Variants in PPP1R12A observed in about 807,000 individuals in gnomAD.
The protein encoded by PPP1R12A is myosin binding subunit.
In PPP1R12A, 19 loss-of-function variants were observed where a neutral mutation model predicts 139.6. The ratio of observed to expected loss-of-function variants is 0.14; its 90% confidence interval spans 0.09 to 0.20. PPP1R12A has a LOEUF of 0.20. Among genes scored for constraint, PPP1R12A ranks in the 10% least tolerant of loss-of-function variants. The pLI is 1.00. For missense variants in PPP1R12A, 925 were observed against 1,211.5 expected (o/e 0.76, Z 3.51); for synonymous variants, 427 against 420.6 (o/e 1.02, Z -0.19).
rs2656031 is a variant in PPP1R12A, at chr12:79,852,422, C to T, written c.369-7002G>A. On this transcript the variant is annotated intron_variant, in intron 2 of 24. Coordinates refer to ENST00000450142, the MANE Select transcript of PPP1R12A (RefSeq NM_002480.3). ...TGTTGCGCAGGCTGGTCTCAAACTCCTAGACTCAGGTGATCCACCCACCTT... is the reference window on the plus strand; with the variant it reads ...TGTTGCGCAGGCTGGTCTCAAACTCTTAGACTCAGGTGATCCACCCACCTT... Among the ~76,000 whole-genome samples, 1,176 of 152,130 alleles carry T rather than the reference C, an allele frequency of 7.7e-3. 16 individuals are homozygous for T. Among genetic ancestry groups the T allele is most frequent in the African/African-American group, 0.027 (1,117 of 41,500 alleles).
intron 2 of PPP1R12A, among the ~76,000 whole-genome samples, chr12:79,856,326 C>T (rs184732661): frequency 7.2e-5 from 11 of 152,318 alleles, no homozygotes; most frequent in Admixed American, 7.2e-4. Context: ...TAAGGCCCTT[C>T]TGTTTAATGC....
At position 79,901,693 on chromosome 12, in the gene PPP1R12A, T is replaced by G. The variant is rs145873670; in HGVS notation, c.238-28755A>C. Among the ~76,000 whole-genome samples the G allele has an allele frequency of 2.7e-3, 411 of 152,242 alleles. 2 individuals carry two copies. Among genetic ancestry groups the G allele is most frequent in the African/African-American group, 9.6e-3 (397 of 41,552 alleles). ...TTACTCAATATTTTAACTTAATTGC[T>G]CAACAATTATTTACTGAGAACTCAC... On this transcript the variant is annotated intron_variant, in intron 1 of 24. Coordinates refer to ENST00000450142, the MANE Select transcript of PPP1R12A (RefSeq NM_002480.3).
intron 6 of PPP1R12A, among the ~76,000 whole-genome samples, chr12:79,821,915 G>A (rs1017242880): frequency 2.0e-5 from 3 of 152,182 alleles, no homozygotes; most frequent in Admixed American, 6.5e-5. Context: ...ATTTTGAGAA[G>A]GGGAGGAAAT....
At chr12:79,874,697 A>C (rs1024130983) in intron 1 of PPP1R12A, among the ~76,000 whole-genome samples, 2 of 152,236 alleles carry the variant, frequency 1.3e-5, no homozygotes, top group African/African-American at 4.8e-5. Context: ...ACAGCCCTAA[A>C]GTAAATAAGA....
intron 11 of PPP1R12A, among the ~76,000 whole-genome samples, chr12:79,807,603 C>T (rs549108001): frequency 1.3e-5 from 2 of 151,268 alleles, no homozygotes; most frequent in East Asian, 1.9e-4. Context: ...TTACTTTAAC[C>T]GCAGAAGATC....
chr12:79,907,200 TTGATA>T (rs1247037863), intron 1 of PPP1R12A, among the ~76,000 whole-genome samples: 1 of 152,168 alleles, frequency 6.6e-6, no homozygotes, highest in African/African-American at 2.4e-5. Context: ...AAAATGTCTT[TTGATA>T]TATTTTCCAA....
In PPP1R12A at chr12:79,774,499, T is replaced by C. The variant is rs1479924363; in HGVS notation, c.*1430A>G. 6.6e-6 allele frequency: 1 copy of C among 152,578 alleles called. No homozygotes were observed. Among genetic ancestry groups the C allele is most frequent in the African/African-American group, 2.4e-5 (1 of 41,442 alleles). 9.5% of individuals were successfully genotyped at this position (152,578 alleles called of 1,614,324 possible). A position where few individuals can be genotyped will look rare whatever the true frequency, so the allele number is the denominator to read the frequency against. On this transcript the variant is annotated 3_prime_UTR_variant, in exon 25 of 25. Coordinates refer to ENST00000450142, the MANE Select transcript of PPP1R12A (RefSeq NM_002480.3). ...GTACAATTTATTCAAATGGCTGAAC[T>C]GTTCAGTGGTTAAGGAGACAGTTAT...
intron 3 of PPP1R12A, among the ~76,000 whole-genome samples, chr12:79,833,846 G>GAAAAAAAAAAAAAAA (rs371589074): frequency 8.6e-6 from 1 of 116,784 alleles, no homozygotes. Flanking sequence ...CAAAGAAAAG[G>GAAAAAAAAAAAAAAA]AAAAAAAAAA....
At chr12:79,935,412 C>T (rs1347632399), upstream of PPP1R12A, 9 of 991,768 alleles carry the variant, frequency 9.1e-6, no homozygotes, top group Non-Finnish European at 1.1e-5. Context: ...TCCCGGGAAT[C>T]CGGAGGCCAG....
intron 1 of PPP1R12A, among the ~76,000 whole-genome samples, chr12:79,907,506 G>T (rs1886224972): frequency 6.6e-6 from 1 of 152,168 alleles, no homozygotes; most frequent in Non-Finnish European, 1.5e-5. Flanking sequence ...TGAAAATTAA[G>T]AACTTGATAA....
At chr12:79,909,498 A>G (rs1886386050) in intron 1 of PPP1R12A, among the ~76,000 whole-genome samples, 1 of 152,002 alleles carries the variant, frequency 6.6e-6, no homozygotes, top group African/African-American at 2.4e-5. Context: ...GCACTTTGGG[A>G]GGCCAAGGTG....
rs543342502 is a variant in PPP1R12A, at chr12:79,858,782, A to G, written c.369-13362T>C. Among the ~76,000 whole-genome samples, 72 of 152,322 alleles carry G rather than the reference A, an allele frequency of 4.7e-4. 1 individual carries two copies. The South Asian group carries it at 0.014, about 30-fold the overall frequency. On this transcript the variant is annotated intron_variant, in intron 2 of 24. Coordinates refer to ENST00000450142, the MANE Select transcript of PPP1R12A (RefSeq NM_002480.3). Reference sequence around the variant, plus strand: ...TGTTCAAAGGCTCAACCAAGGGACCAGTGTAGGTTTAGCACAAAGCCTAGA... The same window carrying G: ...TGTTCAAAGGCTCAACCAAGGGACCGGTGTAGGTTTAGCACAAAGCCTAGA...
chr12:79,816,231 A>G (rs1223671553), intron 9 of PPP1R12A, among the ~76,000 whole-genome samples: 2 of 152,172 alleles, frequency 1.3e-5, no homozygotes, highest in African/African-American at 2.4e-5. Context: ...TACTCAAAGG[A>G]CAATTGGGAA....
chr12:79,877,182 A>G (rs995698433), intron 1 of PPP1R12A, among the ~76,000 whole-genome samples: 2 of 152,166 alleles, frequency 1.3e-5, no homozygotes, highest in Admixed American at 6.5e-5. Context: ...ATTTATCATA[A>G]AAATTCCCTA....
chr12:79,822,422 T>C (rs763251511), intron 5 of PPP1R12A, among the ~76,000 whole-genome samples: 3 of 152,182 alleles, frequency 2.0e-5, no homozygotes, highest in African/African-American at 4.8e-5. Flanking sequence ...TTTATTGAGA[T>C]ATAATTCATA....
chr12:79,929,181 C>T (rs927287563), intron 1 of PPP1R12A, among the ~76,000 whole-genome samples: 3 of 152,142 alleles, frequency 2.0e-5, no homozygotes, highest in Admixed American at 6.5e-5. Flanking sequence ...CAATAGGGTC[C>T]GCACTCCTAT....
chr12:79,910,040 T>C lies in PPP1R12A; in HGVS notation c.237+24655A>G, dbSNP rs190011529. On this transcript the variant is annotated intron_variant, in intron 1 of 24. Transcript: ENST00000450142. ...ATAATAAAAAAGGGGAGGAATCATT[T>C]TGTAAACTGACAACAAATAACATTT... Among the ~76,000 whole-genome samples the C allele has an allele frequency of 2.0e-5, 3 of 152,238 alleles. No homozygotes were observed. The East Asian group carries it at 5.8e-4, about 30-fold the overall frequency.
intron 4 of PPP1R12A, among the ~76,000 whole-genome samples, chr12:79,828,877 T>C (rs1021684054): frequency 6.6e-6 from 1 of 152,140 alleles, no homozygotes; most frequent in Non-Finnish European, 1.5e-5. Context: ...CCATATAATA[T>C]ATAATCTCGG....
chr12:79,927,906 C>A (rs1417267425), intron 1 of PPP1R12A, among the ~76,000 whole-genome samples: 1 of 152,114 alleles, frequency 6.6e-6, no homozygotes, highest in East Asian at 1.9e-4. Context: ...TATTGTGGAG[C>A]CCCACAAACT....
Sources: gnomAD v4.1 joint callset for allele counts (sites outside exome capture counted in the v4.1 genomes callset) on GRCh38, gnomAD v4.1.1 for gene constraint, MANE v1.5 for transcripts, NCBI Gene and HGNC (gene_info 2026-07-23, HGNC 2026-07-21) for gene names.